Variants in ILRUN observed in about 807,000 individuals in gnomAD.
The protein encoded by ILRUN is protein ILRUN.
In ILRUN, 3 loss-of-function variants were observed where a neutral mutation model predicts 33.8. The ratio of observed to expected loss-of-function variants is 0.09; its 90% CI spans 0.04 to 0.23. The LOEUF (loss-of-function observed/expected upper bound fraction) is 0.23. Among genes scored for constraint, ILRUN ranks in the 10% least tolerant of loss-of-function variants. The probability of loss-of-function intolerance (pLI) is 1.00; values close to 1 mark genes in which losing one functional copy is unlikely to be tolerated. For missense variants in ILRUN, 210 were observed against 375.1 expected, an observed-to-expected ratio of 0.56 and a Z score of 3.64; for synonymous variants, 124 against 138.9, an observed-to-expected ratio of 0.89 and a Z score of 0.75.
At chr6:34,674,187 C>T (rs994377905) in intron 1 of ILRUN, among the ~76,000 whole-genome samples, 1 of 152,132 alleles carries the variant, frequency 6.6e-6, no homozygotes, top group Non-Finnish European at 1.5e-5. Context: ...CCACCACACC[C>T]AGCTAATTTT....
At chr6:34,594,651 A>G (rs912772365) in intron 4 of ILRUN, among the ~76,000 whole-genome samples, 2 of 152,102 alleles carry the variant, frequency 1.3e-5, no homozygotes, top group East Asian at 3.9e-4. Flanking sequence ...GAGCGTGGGG[A>G]CCTAAGTTCA....
intron 4 of ILRUN, among the ~76,000 whole-genome samples, chr6:34,604,822 A>C (rs1406290543): frequency 6.6e-6 from 1 of 152,202 alleles, no homozygotes; most frequent in Non-Finnish European, 1.5e-5. Flanking sequence ...ATGAACATCT[A>C]ATCAACCAAT....
chr6:34,682,251 GTTTT>G (rs66948142), intron 1 of ILRUN, among the ~76,000 whole-genome samples: 1 of 51,072 alleles, frequency 2.0e-5, no homozygotes, highest in Non-Finnish European at 3.6e-5. Context: ...TGCAACCTCT[GTTTT>G]TTTTTTTTTT....
intron 1 of ILRUN, among the ~76,000 whole-genome samples, chr6:34,688,174 G>A (rs930185007): frequency 6.6e-6 from 1 of 152,162 alleles, no homozygotes; most frequent in Non-Finnish European, 1.5e-5. Flanking sequence ...GGAGGCCAGT[G>A]CAGGTGGATC....
At chr6:34,616,032 C>G (rs1761885175) in intron 3 of ILRUN, among the ~76,000 whole-genome samples, 1 of 152,202 alleles carries the variant, frequency 6.6e-6, no homozygotes, top group Non-Finnish European at 1.5e-5. Context: ...TGGTTCTGGG[C>G]TTCCCAAGGG....
intron 1 of ILRUN, among the ~76,000 whole-genome samples, chr6:34,676,920 C>CA (rs1226537542): frequency 6.6e-6 from 1 of 150,640 alleles, no homozygotes; most frequent in Non-Finnish European, 1.5e-5. Context: ...CAAGAACCTT[C>CA]AAAAGGGCAT....
intron 1 of ILRUN, among the ~76,000 whole-genome samples, chr6:34,682,269 T>G (rs1167540689): frequency 2.2e-5 from 3 of 139,328 alleles, no homozygotes; most frequent in South Asian, 2.3e-4. Flanking sequence ...TTTTTTTTTT[T>G]TTTTTTTTGA....
intron 1 of ILRUN, among the ~76,000 whole-genome samples, chr6:34,677,501 G>A (rs999868873): frequency 6.6e-6 from 1 of 152,128 alleles, no homozygotes; most frequent in African/African-American, 2.4e-5. Context: ...AAAGCAGTAT[G>A]TATCCATGAT....
chr6:34,666,186 T>G (rs773874560), intron 1 of ILRUN, among the ~76,000 whole-genome samples: 1 of 152,226 alleles, frequency 6.6e-6, no homozygotes, highest in African/African-American at 2.4e-5. Flanking sequence ...GACCCCCAAC[T>G]CTACTCATTC....
intron 3 of ILRUN, among the ~76,000 whole-genome samples, chr6:34,610,160 C>CAA (rs201174084): frequency 2.5e-5 from 3 of 118,492 alleles, no homozygotes; most frequent in African/African-American, 3.2e-5. Flanking sequence ...GACTCCGTCT[C>CAA]AAAAAAAAAA....
chr6:34,671,339 T>C (rs1454067986), intron 1 of ILRUN, among the ~76,000 whole-genome samples: 1 of 152,176 alleles, frequency 6.6e-6, no homozygotes, highest in Admixed American at 6.5e-5. Context: ...TGAGCCATGA[T>C]CGCGCCGCTG....
chr6:34,626,898 G>A (rs1002070046), intron 3 of ILRUN, among the ~76,000 whole-genome samples: 35 of 151,912 alleles, frequency 2.3e-4, no homozygotes, highest in African/African-American at 7.3e-4. Flanking sequence ...CCAGCTACTC[G>A]GGAGGCTGAG....
rs568228253 is a variant in ILRUN at position 34,672,161 on chromosome 6, G to A, written c.159-17382C>T. 6.6e-5 allele frequency among the ~76,000 whole-genome samples: 10 copies of A among 151,834 alleles called. No individual in the cohort carries two copies. The East Asian group carries it at 1.9e-3, about 29-fold the overall frequency. On this transcript the variant is annotated intron_variant, in intron 1 of 4. Coordinates refer to ENST00000374023, the MANE Select transcript of ILRUN (RefSeq NM_024294.4). ...TCTGTCGTTCAGGCTGGAGTGCAGT[G>A]GCACAATCTCAGCTCATTTCAAACT...
chr6:34,679,541 T>C (rs1763311931), intron 1 of ILRUN, among the ~76,000 whole-genome samples: 1 of 152,210 alleles, frequency 6.6e-6, no homozygotes, highest in Non-Finnish European at 1.5e-5. Context: ...ATCTATGTAA[T>C]AGAATACTAC....
intron 1 of ILRUN, among the ~76,000 whole-genome samples, chr6:34,673,206 TA>T (rs1315670415): frequency 2.6e-5 from 4 of 151,818 alleles, no homozygotes; most frequent in Non-Finnish European, 4.4e-5. Context: ...TCAGGAAGCT[TA>T]AAAAAAATTG....
intron 1 of ILRUN, among the ~76,000 whole-genome samples, chr6:34,656,998 G>C (rs1382711243): frequency 6.6e-6 from 1 of 152,188 alleles, no homozygotes; most frequent in Non-Finnish European, 1.5e-5. Context: ...CTAAAGTGAA[G>C]GATGTTTGTG....
At chr6:34,599,690 A>C (rs1193770857) in intron 4 of ILRUN, among the ~76,000 whole-genome samples, 1 of 152,192 alleles carries the variant, frequency 6.6e-6, no homozygotes, top group Non-Finnish European at 1.5e-5. Context: ...CATAACTCTC[A>C]AATTTATATC....
chr6:34,660,645 T>C (rs989609534), intron 1 of ILRUN, among the ~76,000 whole-genome samples: 3 of 152,062 alleles, frequency 2.0e-5, no homozygotes, highest in Non-Finnish European at 4.4e-5. Flanking sequence ...AAGACCTTAC[T>C]ATCTCTGAAT....
At chr6:34,645,530 A>C (rs2127359180) in intron 3 of ILRUN, among the ~76,000 whole-genome samples, 1 of 152,180 alleles carries the variant, frequency 6.6e-6, no homozygotes, top group South Asian at 2.1e-4. Context: ...TCACCCCACC[A>C]CGCCAGGCTA....
Sources: allele counts gnomAD v4.1 joint callset (sites outside exome capture counted in the v4.1 genomes callset), GRCh38; gene constraint gnomAD v4.1.1; transcripts MANE v1.5; gene names NCBI Gene and HGNC (gene_info 2026-07-23, HGNC 2026-07-21).